Variants in MAOB observed in about 807,000 individuals in gnomAD.
The protein encoded by MAOB is amine oxidase [flavin-containing] B.
In MAOB, 15 loss-of-function variants were observed where a neutral mutation model predicts 41.9. The ratio of observed to expected loss-of-function variants is 0.36; its 90% CI spans 0.24 to 0.55. The LOEUF (loss-of-function observed/expected upper bound fraction) is 0.55, where lower values mean the gene tolerates loss of function less well. MAOB is among the 20% of genes least tolerant of loss of function. MAOB has a pLI of 0.86. For missense variants in MAOB, 345 were observed against 398.7 expected, an observed-to-expected ratio of 0.87 and a Z score of 1.15; for synonymous variants, 167 against 144.2, an observed-to-expected ratio of 1.16 and a Z score of -1.13.
At chrX:43,811,480 T>C (rs754312026) in intron 3 of MAOB, among the ~76,000 whole-genome samples, 25 of 111,510 alleles carry the variant, frequency 2.2e-4, no homozygotes, top group Non-Finnish European at 3.6e-4. Context: ...TTTTTACAGT[T>C]ATGAACAAGG....
At chrX:43,856,580 C>T (rs1246884666) in intron 1 of MAOB, among the ~76,000 whole-genome samples, 1 of 111,832 alleles carries the variant, frequency 8.9e-6, no homozygotes, top group Non-Finnish European at 1.9e-5. Flanking sequence ...TACTGTTAGC[C>T]TACCGTTAGT....
intron 1 of MAOB, among the ~76,000 whole-genome samples, chrX:43,873,671 C>T (rs1000397651): frequency 2.7e-5 from 3 of 111,060 alleles, no homozygotes; most frequent in Non-Finnish European, 5.7e-5. Context: ...CATTTTTGTT[C>T]GTTTTTGTTT....
At chrX:43,783,608 T>TA (rs945929072) in intron 8 of MAOB, among the ~76,000 whole-genome samples, 2 of 112,326 alleles carry the variant, frequency 1.8e-5, no homozygotes, top group Non-Finnish European at 3.8e-5. Flanking sequence ...ACTTTATTAC[T>TA]AAAAAAGCTA....
Position 43,780,299 on chromosome X carries a change from GA to G in MAOB, c.1079+42del, listed in dbSNP as rs199701170. On this transcript the variant is annotated intron_variant, in intron 10 of 14. Transcript: ENST00000378069. Reference sequence around the variant, plus strand: ...AGGGAGGGAGGGATGGAGTGGGGGGGAAAGGAAGGAAGAAACGAAAGAAGCA... The same window carrying G: ...AGGGAGGGAGGGATGGAGTGGGGGGGAAGGAAGGAAGAAACGAAAGAAGCA... The G allele has an allele frequency of 3.0e-4, 308 of 1,035,134 alleles. No homozygotes were observed. In the African/African-American group the frequency reaches 4.7e-3, roughly 16 times the overall value. The allele number at this position is 1,035,134 out of a possible 1,213,427, so 85.3% of individuals were successfully genotyped here. A position where few individuals can be genotyped will look rare whatever the true frequency, so the allele number is the denominator to read the frequency against.
intron 1 of MAOB, among the ~76,000 whole-genome samples, chrX:43,853,999 T>C (rs1203705511): frequency 8.9e-6 from 1 of 112,804 alleles, no homozygotes; most frequent in Non-Finnish European, 1.9e-5. Flanking sequence ...ACTAACTTCA[T>C]TGTTAATTAA....
At chrX:43,870,476 C>T (rs955254736) in intron 1 of MAOB, among the ~76,000 whole-genome samples, 6 of 111,150 alleles carry the variant, frequency 5.4e-5, no homozygotes. Flanking sequence ...GTCTCCAGGC[C>T]CTACCGGCCT....
chrX:43,817,067 TTCTC>T (rs1196443392), intron 3 of MAOB, among the ~76,000 whole-genome samples: 4 of 109,025 alleles, frequency 3.7e-5, no homozygotes, highest in South Asian at 4.1e-4. Flanking sequence ...CCTCCTCCTT[TTCTC>T]TCTCTCTCTC....
intron 4 of MAOB, among the ~76,000 whole-genome samples, chrX:43,803,033 C>T (rs1198033638): frequency 8.9e-6 from 1 of 111,736 alleles, no homozygotes; most frequent in African/African-American, 3.3e-5. Context: ...TTGCTATGTA[C>T]TGAAGATTTC....
At chrX:43,831,940 T>C (rs766873535) in intron 3 of MAOB, among the ~76,000 whole-genome samples, 7 of 112,126 alleles carry the variant, frequency 6.2e-5, no homozygotes, top group South Asian at 3.7e-4. Flanking sequence ...TTTTACCATA[T>C]AAACATTTTT....
intron 5 of MAOB, among the ~76,000 whole-genome samples, chrX:43,799,945 C>A (rs1485184053): frequency 1.8e-5 from 2 of 111,151 alleles, no homozygotes; most frequent in Non-Finnish European, 3.8e-5. Context: ...TTGTGAAGTG[C>A]ACTTTGTAAA....
At chrX:43,799,452 C>T (rs765657558) in intron 5 of MAOB, among the ~76,000 whole-genome samples, 16 of 111,346 alleles carry the variant, frequency 1.4e-4, no homozygotes, top group African/African-American at 4.2e-4. Context: ...AACATTGGCC[C>T]AGCTGGAGAG....
chrX:43,790,111 T>C (rs755603795), intron 8 of MAOB, among the ~76,000 whole-genome samples: 1 of 112,080 alleles, frequency 8.9e-6, no homozygotes, highest in Admixed American at 9.4e-5. Context: ...TGCTAATCAC[T>C]GTGCTGGATT....
chrX:43,839,922 T>C (rs922247207), intron 2 of MAOB, among the ~76,000 whole-genome samples: 1 of 112,182 alleles, frequency 8.9e-6, no homozygotes, highest in African/African-American at 3.2e-5. Flanking sequence ...AGGCAAAACC[T>C]TGTAAAGCAA....
chrX:43,776,714 C>T (rs2034262674), intron 11 of MAOB, among the ~76,000 whole-genome samples: 1 of 108,590 alleles, frequency 9.2e-6, no homozygotes, highest in South Asian at 4.2e-4. Flanking sequence ...CACCCAGTAA[C>T]TCGTCATTTA....
intron 1 of MAOB, among the ~76,000 whole-genome samples, chrX:43,876,093 C>T (rs1240131900): frequency 9.0e-6 from 1 of 111,054 alleles, no homozygotes; most frequent in Non-Finnish European, 1.9e-5. Flanking sequence ...CAAGTAGCTT[C>T]GGACTGGAGG....
At chrX:43,830,112 C>T (rs980383336) in intron 3 of MAOB, among the ~76,000 whole-genome samples, 2 of 112,056 alleles carry the variant, frequency 1.8e-5, no homozygotes, top group African/African-American at 3.2e-5. Context: ...TTTAATATGG[C>T]TACTAGAAAA....
chrX:43,865,643 T>C (rs1412448942), intron 1 of MAOB, among the ~76,000 whole-genome samples: 1 of 111,722 alleles, frequency 9.0e-6, no homozygotes, highest in Non-Finnish European at 1.9e-5. Flanking sequence ...TTATTGTCAT[T>C]ACTTTTTCAA....
chrX:43,852,868 A>G (rs1034766407), intron 1 of MAOB, among the ~76,000 whole-genome samples: 3 of 111,380 alleles, frequency 2.7e-5, no homozygotes, highest in Non-Finnish European at 5.6e-5. Flanking sequence ...TATCCAAAAC[A>G]TGATGTGCCT....
At chrX:43,778,212 T>G (rs1013794483) in intron 11 of MAOB, among the ~76,000 whole-genome samples, 23 of 111,225 alleles carry the variant, frequency 2.1e-4, no homozygotes, top group African/African-American at 6.2e-4. Flanking sequence ...ATTTTTTTAC[T>G]GTGAGACAGT....
Sources: gnomAD v4.1 joint callset for allele counts (sites outside exome capture counted in the v4.1 genomes callset) on GRCh38, gnomAD v4.1.1 for gene constraint, MANE v1.5 for transcripts, NCBI Gene and HGNC (gene_info 2026-07-23, HGNC 2026-07-21) for gene names.